The following AEBP2 variants were observed in gnomAD, a reference collection of about 807,000 sequenced individuals.
The protein encoded by AEBP2 is AE binding protein 2.
Under a neutral mutation model 50.8 loss-of-function variants are expected in AEBP2, and 10 were observed. That is an observed-to-expected ratio of 0.20 (90% CI 0.12 to 0.33). AEBP2 has a LOEUF of 0.33. Among genes scored for constraint, AEBP2 ranks in the 10% least tolerant of loss-of-function variants. The pLI is 1.00. For missense variants in AEBP2, 570 were observed against 688.0 expected, an observed-to-expected ratio of 0.83 and a Z score of 1.92; for synonymous variants, 296 against 261.3, an observed-to-expected ratio of 1.13 and a Z score of -1.28.
intron 1 of AEBP2, among the ~76,000 whole-genome samples, chr12:19,458,767 G>C (rs1948318692): frequency 6.6e-6 from 1 of 152,028 alleles, no homozygotes; most frequent in South Asian, 2.1e-4. Flanking sequence ...ACTAATTTTG[G>C]ACTTTTTAAT....
At chr12:19,456,688 A>AC in intron 1 of AEBP2, 3 of 1,576,372 alleles carry the variant, frequency 1.9e-6, no homozygotes, top group Non-Finnish European at 2.6e-6. Flanking sequence ...TCCTTGACAG[A>AC]CACATTCTTG....
At chr12:19,446,024 A>G (rs1421103282) in intron 1 of AEBP2, 1 of 152,226 alleles carries the variant, frequency 6.6e-6, no homozygotes, top group Non-Finnish European at 1.5e-5. Flanking sequence ...GTATTGTTCC[A>G]AGTTTATCAT....
chr12:19,454,951 CAT>C (rs1239979217), intron 1 of AEBP2, among the ~76,000 whole-genome samples: 3 of 151,834 alleles, frequency 2.0e-5, no homozygotes, highest in Non-Finnish European at 4.4e-5. Context: ...CGTTTAGAAA[CAT>C]ATTCTTTTGA....
At chr12:19,513,329 T>TAA (rs1555188338) in intron 6 of AEBP2, among the ~76,000 whole-genome samples, 3 of 151,924 alleles carry the variant, frequency 2.0e-5, no homozygotes, top group East Asian at 1.9e-4. Context: ...TGTATTTTTT[T>TAA]ATCTTTCTTA....
intron 5 of AEBP2, 76 bp from the exon 6 acceptor site, chr12:19,512,322 A>G: frequency 9.4e-7 from 1 of 1,066,970 alleles, no homozygotes; most frequent in East Asian, 2.7e-5. Flanking sequence ...GCCCAGCCCC[A>G]AAAGTGTTTT....
intron 1 of AEBP2, among the ~76,000 whole-genome samples, chr12:19,450,942 A>T (rs1290569277): frequency 1.3e-5 from 2 of 151,880 alleles, no homozygotes; most frequent in Non-Finnish European, 2.9e-5. Flanking sequence ...TTCTTAAATC[A>T]GTAATTCATT....
Position 19,463,667 on chromosome 12 carries a change from ATTTTTTT to A in AEBP2, c.879+968_879+974del, listed in dbSNP as rs34007914. Among the ~76,000 whole-genome samples, 6 of 84,672 alleles carry A rather than the reference ATTTTTTT, an allele frequency of 7.1e-5. No homozygotes were observed. The South Asian group carries it at 1.5e-3, about 21-fold the overall frequency. The allele number at this position is 84,672 out of a possible 152,430, so 55.5% of individuals were successfully genotyped here. On this transcript the variant is annotated intron_variant, in intron 2 of 7. Transcript: ENST00000266508. The stretch of plus-strand genomic sequence containing the variant: ...TTTTAAGCAGTGATGTCATACTTGA[ATTTTTTT>A]TTTTTTTTTTTTTTTTTGAGACGGA...
chr12:19,465,008 T>C (rs1280174329), intron 2 of AEBP2, among the ~76,000 whole-genome samples: 1 of 152,142 alleles, frequency 6.6e-6, no homozygotes, highest in Non-Finnish European at 1.5e-5. Context: ...AAGTGTAATA[T>C]TGAAATGAAA....
At chr12:19,493,110 T>C (rs1375059531) in intron 3 of AEBP2, among the ~76,000 whole-genome samples, 1 of 152,148 alleles carries the variant, frequency 6.6e-6, no homozygotes, top group Non-Finnish European at 1.5e-5. Context: ...AAAAAAATAC[T>C]TTAAAAATCC....
intron 1 of AEBP2, among the ~76,000 whole-genome samples, chr12:19,442,322 C>G (rs188403022): frequency 6.6e-6 from 1 of 152,186 alleles, no homozygotes; most frequent in Non-Finnish European, 1.5e-5. Flanking sequence ...GCAGGAGAAT[C>G]GCTTGAACCC....
intron 1 of AEBP2, among the ~76,000 whole-genome samples, chr12:19,454,975 G>T (rs1432795356): frequency 2.6e-5 from 4 of 151,904 alleles, no homozygotes; most frequent in Non-Finnish European, 5.9e-5. Context: ...CTGTTTTAGG[G>T]AGGTGCTCAA....
chr12:19,485,182 G>C (rs904086743), intron 3 of AEBP2, among the ~76,000 whole-genome samples: 1 of 152,102 alleles, frequency 6.6e-6, no homozygotes, highest in African/African-American at 2.4e-5. Flanking sequence ...TAATTTCAAA[G>C]CCTATACAAA....
rs1435016106 is a variant in AEBP2, at chr12:19,415,856, C to T, written c.-17+11640C>T. ...AAGAACACTAGAGGATTCTGGATGCCTGACCCAACTGATATTCTTTCTGGA... is the reference window on the plus strand; with the variant it reads ...AAGAACACTAGAGGATTCTGGATGCTTGACCCAACTGATATTCTTTCTGGA... On this transcript the variant is annotated intron_variant, in intron 1 of 3. Transcript: ENST00000538425. Among the ~76,000 whole-genome samples the T allele has an allele frequency of 7.2e-5, 11 of 152,094 alleles. 1 individual carries two copies. Among genetic ancestry groups the T allele is most frequent in the African/African-American group, 2.7e-4 (11 of 41,418 alleles).
chr12:19,436,262 C>A (rs77884429), upstream of AEBP2, among the ~76,000 whole-genome samples: 7,333 of 152,212 alleles, frequency 0.048, 393 homozygotes, highest in Admixed American at 0.15. Flanking sequence ...GGAAGTTACC[C>A]TATCGTCTAA....
chr12:19,439,764 C>G lies in AEBP2; in HGVS notation c.65C>G (p.Pro22Arg), dbSNP rs1947909711. 1 of 1,516,700 alleles carries G rather than the reference C, an allele frequency of 6.6e-7. No individual in the cohort carries two copies. Among genetic ancestry groups the G allele is most frequent in the Non-Finnish European group, 8.8e-7 (1 of 1,139,000 alleles). 94.0% of individuals were successfully genotyped at this position (1,516,700 alleles called of 1,614,324 possible). The change falls in exon 1 of 8, where the codon CCC becomes CGC. Residue 22 changes from proline (P) to arginine (R), a missense_variant. Physicochemically the swap from Pro to Arg is moderately radical, Grantham distance 103 (BLOSUM62 -2). This residue lies in a region of AEBP2 where 386 missense variants were observed against 336.8 expected (regional missense o/e 1.15). Transcript: ENST00000266508. The part of the protein sequence containing the change: ...EELSRLSPLP[P>R]GSPGSAARGR... ...CTCTCCCGCCTGAGCCCTCTGCCCC[C>G]CGGCAGCCCGGGTTCGGCGGCGCGG...
rs557774967 is a variant in AEBP2, at chr12:19,519,663, T to A, written c.*1546T>A. The A allele has an allele frequency of 5.9e-5, 9 of 152,712 alleles. No homozygotes were observed. The South Asian group carries it at 1.0e-3, about 18-fold the overall frequency. 9.5% of individuals were successfully genotyped at this position (152,712 alleles called of 1,614,324 possible). Reference sequence around the variant, plus strand: ...CCAGCAGTTTTTACACTAAATTTTTTAAAGAAATATTAGACAAAAATATAG... The same window carrying A: ...CCAGCAGTTTTTACACTAAATTTTTAAAAGAAATATTAGACAAAAATATAG... On this transcript the variant is annotated 3_prime_UTR_variant, in exon 8 of 8. Transcript: ENST00000266508.
chr12:19,444,545 C>T (rs1948023631), intron 1 of AEBP2, among the ~76,000 whole-genome samples: 1 of 152,206 alleles, frequency 6.6e-6, no homozygotes, highest in East Asian at 1.9e-4. Flanking sequence ...TGAGCATGAA[C>T]CACCAGACCT....
Position 19,520,561 on chromosome 12 carries a change from CATTT to C in AEBP2, c.*2448_*2451del, listed in dbSNP as rs1949382212. The C allele has an allele frequency of 6.6e-6, 1 of 152,156 alleles. No individual in the cohort carries two copies. Among genetic ancestry groups the C allele is most frequent in the Admixed American group, 6.5e-5 (1 of 15,272 alleles). The allele number at this position is 152,156 out of a possible 1,614,324, so 9.4% of individuals were successfully genotyped here. A position where few individuals can be genotyped will look rare whatever the true frequency, so the allele number is the denominator to read the frequency against. ...TGTGAAAATTTTAATTTGTGGTTTT[CATTT>C]ATTAATGTCTGCCCATCTGTATTGT... On this transcript the variant is annotated 3_prime_UTR_variant, in exon 8 of 8. Transcript: ENST00000266508.
chr12:19,477,658 T>C (rs920273123), intron 3 of AEBP2, among the ~76,000 whole-genome samples: 1 of 152,230 alleles, frequency 6.6e-6, no homozygotes, highest in Non-Finnish European at 1.5e-5. Flanking sequence ...TGGATTATCT[T>C]TTTGATAGGC....
Sources: gnomAD v4.1 joint callset for allele counts (sites outside exome capture counted in the v4.1 genomes callset) on GRCh38, gnomAD v4.1.1 for gene constraint, gnomAD v4.1.1 regional missense constraint, MANE v1.5 for transcripts, NCBI Gene and HGNC (gene_info 2026-07-23, HGNC 2026-07-21) for gene names.